The following PPARA variants were observed in gnomAD, a reference collection of about 807,000 sequenced individuals.
PPARA encodes peroxisome proliferator-activated receptor alpha.
A neutral mutation model predicts 42.2 loss-of-function variants in PPARA; 22 were observed. That is an observed-to-expected ratio of 0.52 (90% CI 0.37 to 0.74). PPARA has a LOEUF of 0.74. Among genes scored for constraint, PPARA ranks in the 30% least tolerant of loss-of-function variants. PPARA has a pLI of 0.00. For synonymous variants in PPARA, 242 were observed against 239.3 expected (o/e 1.01, Z -0.10); for missense variants, 465 against 608.2 (o/e 0.76, Z 2.48).
intron 2 of PPARA, among the ~76,000 whole-genome samples, chr22:46,169,826 T>C (rs1022037549): frequency 6.6e-6 from 1 of 151,918 alleles, no homozygotes; most frequent in Non-Finnish European, 1.5e-5. Context: ...ATTAGGAAGG[T>C]GTCAGTCATC....
In PPARA at chr22:46,200,709, A is replaced by C. The variant is rs931485691; in HGVS notation, c.208+2118A>C. Reference sequence around the variant, plus strand: ...GGCAGGCGGATCACCCGAGGTCAGGAGTTCAAGACCAGTCTGGCCAACATG... The same window carrying C: ...GGCAGGCGGATCACCCGAGGTCAGGCGTTCAAGACCAGTCTGGCCAACATG... On this transcript the variant is annotated intron_variant, in intron 4 of 8. Coordinates refer to ENST00000407236, the MANE Select transcript of PPARA (RefSeq NM_005036.6). This position sits in a 1 kb window ranked among gnomAD's most constrained non-coding sequence, Gnocchi z 4.8. 6.6e-6 allele frequency among the ~76,000 whole-genome samples: 1 copy of C among 152,158 alleles called. No individual in the cohort carries two copies. Among genetic ancestry groups the C allele is most frequent in the Non-Finnish European group, 1.5e-5 (1 of 68,012 alleles).
At position 46,224,305 on chromosome 22, in the gene PPARA, G is replaced by C. The variant is rs745377901; in HGVS notation, c.711+4291G>C. Reference sequence around the variant, plus strand: ...CAGGATACCCTCTCTGCTTAGTCTGGGAAAAGGCCCCGTTGGCAGGATGCC... The same window carrying C: ...CAGGATACCCTCTCTGCTTAGTCTGCGAAAAGGCCCCGTTGGCAGGATGCC... On this transcript the variant is annotated intron_variant, in intron 7 of 8. Transcript: ENST00000407236. This position sits in a 1 kb window ranked among gnomAD's most constrained non-coding sequence, Gnocchi z 5.7. 6.6e-6 allele frequency among the ~76,000 whole-genome samples: 1 copy of C among 152,176 alleles called. No individual in the cohort carries two copies. Among genetic ancestry groups the C allele is most frequent in the Non-Finnish European group, 1.5e-5 (1 of 68,034 alleles).
At chr22:46,201,435 C>A (rs954059114) in intron 4 of PPARA, among the ~76,000 whole-genome samples, 1 of 152,096 alleles carries the variant, frequency 6.6e-6, no homozygotes, top group African/African-American at 2.4e-5. Flanking sequence ...AGGATAAGCG[C>A]TGTGGAAGGA....
intron 3 of PPARA, among the ~76,000 whole-genome samples, chr22:46,197,195 A>ACC: frequency 6.6e-6 from 1 of 151,626 alleles, no homozygotes; most frequent in Non-Finnish European, 1.5e-5. Context: ...GATTACAGGC[A>ACC]CATGCCACCA....
chr22:46,186,225 A>G (rs558505545), intron 3 of PPARA, among the ~76,000 whole-genome samples: 1 of 152,022 alleles, frequency 6.6e-6, no homozygotes, highest in East Asian at 1.9e-4. Flanking sequence ...AGCACACTGC[A>G]TCATTTTATT....
Position 46,231,675 on chromosome 22 carries a change from TC to T in PPARA, c.712-115del. The T allele has an allele frequency of 9.5e-7, 1 of 1,049,026 alleles. No homozygotes were observed. The highest frequency in any genetic ancestry group is 1.4e-6 in the Non-Finnish European group (1 of 691,652). 65.0% of individuals were successfully genotyped at this position (1,049,026 alleles called of 1,614,324 possible). A position where few individuals can be genotyped will look rare whatever the true frequency, so the allele number is the denominator to read the frequency against. On this transcript the variant is annotated intron_variant, in intron 7 of 8. Coordinates refer to ENST00000407236, the MANE Select transcript of PPARA (RefSeq NM_005036.6). This position sits in a 1 kb window ranked among gnomAD's most constrained non-coding sequence, Gnocchi z 7.7. ...GACTATGTTCCGCGGGTATCTTGAG[TC>T]CTCTGAGGCACTGAGCTTGGTGATT...
rs1927943476 is a variant in PPARA at position 46,171,022 on chromosome 22, A to G, written c.-126-5731A>G. Reference sequence around the variant, plus strand: ...CTAAAAATACAAAAATTAGCCAGGCACAATGGCAGGTACCTGTAATCCCAG... The same window carrying G: ...CTAAAAATACAAAAATTAGCCAGGCGCAATGGCAGGTACCTGTAATCCCAG... On this transcript the variant is annotated intron_variant, in intron 2 of 8. Coordinates refer to ENST00000407236, the MANE Select transcript of PPARA (RefSeq NM_005036.6). The surrounding 1 kb of genome is among the most constrained non-coding windows in gnomAD (Gnocchi z 5.0). Among the ~76,000 whole-genome samples the G allele has an allele frequency of 1.3e-5, 2 of 149,232 alleles. No individual in the cohort carries two copies. The highest frequency in any genetic ancestry group is 4.9e-5 in the African/African-American group (2 of 41,228).
At chr22:46,172,603 GC>G (rs1030316902) in intron 2 of PPARA, among the ~76,000 whole-genome samples, 3 of 152,102 alleles carry the variant, frequency 2.0e-5, no homozygotes, top group African/African-American at 7.2e-5. Context: ...CGGTGAGAGA[GC>G]AAGGCCCCAT....
At position 46,235,631 on chromosome 22, in the gene PPARA, C is replaced by T. The variant is rs1936166350; in HGVS notation, c.*251C>T. The T allele has an allele frequency of 5.5e-5, 29 of 527,174 alleles. No individual in the cohort carries two copies. The highest frequency in any genetic ancestry group is 5.1e-4 in the South Asian group (25 of 49,032). 32.7% of individuals were successfully genotyped at this position (527,174 alleles called of 1,614,324 possible). ...TGGGAAGATTACGGCGAATTATGCT[C>T]AATGGTCTGATTTTAACTCACCCGA... On this transcript the variant is annotated 3_prime_UTR_variant, in exon 9 of 9. Transcript: ENST00000407236. The surrounding 1 kb of genome is among the most constrained non-coding windows in gnomAD (Gnocchi z 7.0).
At chr22:46,170,133 A>G (rs1406146681) in intron 2 of PPARA, among the ~76,000 whole-genome samples, 1 of 151,048 alleles carries the variant, frequency 6.6e-6, no homozygotes, top group Non-Finnish European at 1.5e-5. Flanking sequence ...TTAGAAAAAC[A>G]TTTGTTCTGC....
chr22:46,171,471 A>G lies in PPARA; in HGVS notation c.-126-5282A>G. 6.6e-6 allele frequency: 1 copy of G among 150,916 alleles called. No homozygotes were observed. Among genetic ancestry groups the G allele is most frequent in the Non-Finnish European group, 1.5e-5 (1 of 67,408 alleles). The allele number at this position is 150,916 out of a possible 1,614,324, so 9.3% of individuals were successfully genotyped here. A position where few individuals can be genotyped will look rare whatever the true frequency, so the allele number is the denominator to read the frequency against. On this transcript the variant is annotated intron_variant, in intron 2 of 8. Transcript: ENST00000407236. The surrounding 1 kb of genome is among the most constrained non-coding windows in gnomAD (Gnocchi z 5.0). ...TGACTTAGCCGCCTTCAGGTACAGT[A>G]GGAGGAGCAAGCCCAGGACAGGTGA...
At chr22:46,159,431 A>G (rs1601598464) in intron 2 of PPARA, among the ~76,000 whole-genome samples, 1 of 152,234 alleles carries the variant, frequency 6.6e-6, no homozygotes, top group South Asian at 2.1e-4. Context: ...CCCCACTTTG[A>G]CAACTGTTAC....
At chr22:46,209,743 T>C (rs1363361274) in intron 4 of PPARA, among the ~76,000 whole-genome samples, 1 of 152,120 alleles carries the variant, frequency 6.6e-6, no homozygotes, top group Admixed American at 6.6e-5. Flanking sequence ...TCAGAATAAC[T>C]TTTTTTGCTG....
In PPARA at chr22:46,235,741, C is replaced by T. The variant is rs574688883; in HGVS notation, c.*361C>T. 3.0e-6 allele frequency: 1 copy of T among 331,972 alleles called. No homozygotes were observed. The highest frequency in any genetic ancestry group is 5.8e-6 in the Non-Finnish European group (1 of 172,136). The allele number at this position is 331,972 out of a possible 1,614,324, so 20.6% of individuals were successfully genotyped here. ...AACCTCAAAATTCGTGGCCTGTCTT[C>T]CCATTCACCCCGCTTTTGACTATTG... On this transcript the variant is annotated 3_prime_UTR_variant, in exon 9 of 9. Transcript: ENST00000407236. This position sits in a 1 kb window ranked among gnomAD's most constrained non-coding sequence, Gnocchi z 7.0.
In PPARA at chr22:46,192,738, C is replaced by G. The variant is rs1931728991; in HGVS notation, c.-42-5604C>G. Among the ~76,000 whole-genome samples, 1 of 152,062 alleles carries G rather than the reference C, an allele frequency of 6.6e-6. No homozygotes were observed. Among genetic ancestry groups the G allele is most frequent in the South Asian group, 2.1e-4 (1 of 4,812 alleles). On this transcript the variant is annotated intron_variant, in intron 3 of 8. Coordinates refer to ENST00000407236, the MANE Select transcript of PPARA (RefSeq NM_005036.6). This position sits in a 1 kb window ranked among gnomAD's most constrained non-coding sequence, Gnocchi z 4.3. ...TTGGAAGCAACCTAAGTGTCCATCA[C>G]CAGACAAATAGATAAAGGAAATGTG...
At chr22:46,207,677 A>ATTATTATTATTAT (rs1555951376) in intron 4 of PPARA, among the ~76,000 whole-genome samples, 2 of 50,724 alleles carry the variant, frequency 3.9e-5, no homozygotes, top group African/African-American at 1.7e-4. Flanking sequence ...TATTATTATT[A>ATTATTATTATTAT]TTTTTTTTTT....
chr22:46,196,291 C>G lies in PPARA; in HGVS notation c.-42-2051C>G, dbSNP rs1260565146. 6.6e-6 allele frequency among the ~76,000 whole-genome samples: 1 copy of G among 152,168 alleles called. No individual in the cohort carries two copies. Among genetic ancestry groups the G allele is most frequent in the Non-Finnish European group, 1.5e-5 (1 of 68,038 alleles). Reference sequence around the variant, plus strand: ...TAGCCTACCATTGTCTGGGACTCACCCAGTTAGATTTGTTTGGACTCCACA... The same window carrying G: ...TAGCCTACCATTGTCTGGGACTCACGCAGTTAGATTTGTTTGGACTCCACA... On this transcript the variant is annotated intron_variant, in intron 3 of 8. Coordinates refer to ENST00000407236, the MANE Select transcript of PPARA (RefSeq NM_005036.6). This position sits in a 1 kb window ranked among gnomAD's most constrained non-coding sequence, Gnocchi z 5.6.
In PPARA at chr22:46,242,674, G is replaced by T. The variant is rs1194641021; in HGVS notation, c.*7294G>T. The T allele has an allele frequency of 2.6e-5, 4 of 152,016 alleles. No homozygotes were observed. The highest frequency in any genetic ancestry group is 5.9e-5 in the Non-Finnish European group (4 of 67,998). The allele number at this position is 152,016 out of a possible 1,614,324, so 9.4% of individuals were successfully genotyped here. ...AAAAGCCTGGCTCTTGACCCTATTG[G>T]AAACACAAAGGAAGCTGAAATCAAA... On this transcript the variant is annotated 3_prime_UTR_variant, in exon 9 of 9. Coordinates refer to ENST00000407236, the MANE Select transcript of PPARA (RefSeq NM_005036.6). The surrounding 1 kb of genome is among the most constrained non-coding windows in gnomAD (Gnocchi z 6.1).
In PPARA at chr22:46,239,268, A is replaced by G. The variant is rs1433534394; in HGVS notation, c.*3888A>G. ...GGGACAGGGCAGCCTCCCAGAGCCG[A>G]GCAAGAGCTCAAGGTACAAATGAGA... is the stretch of plus-strand genomic sequence containing the variant. On this transcript the variant is annotated 3_prime_UTR_variant, in exon 9 of 9. Transcript: ENST00000407236. 1 of 152,106 alleles carries G rather than the reference A, an allele frequency of 6.6e-6. No homozygotes were observed. Among genetic ancestry groups the G allele is most frequent in the African/African-American group, 2.4e-5 (1 of 41,382 alleles). 9.4% of individuals were successfully genotyped at this position (152,106 alleles called of 1,614,324 possible). A position where few individuals can be genotyped will look rare whatever the true frequency, so the allele number is the denominator to read the frequency against.
Sources: allele counts gnomAD v4.1 joint callset (sites outside exome capture counted in the v4.1 genomes callset), GRCh38; gene constraint gnomAD v4.1.1; non-coding constraint Gnocchi (gnomAD v3.1); transcripts MANE v1.5; gene names NCBI Gene and HGNC (gene_info 2026-07-23, HGNC 2026-07-21).